Variants in PAX3 observed in about 807,000 individuals in gnomAD.
PAX3 encodes paired box protein Pax-3.
A neutral mutation model predicts 51.6 loss-of-function variants in PAX3; 14 were observed. The observed-to-expected ratio is 0.27, with a 90% confidence interval of 0.18 to 0.42. The LOEUF (loss-of-function observed/expected upper bound fraction) is 0.42, where lower values mean the gene tolerates loss of function less well. Among genes scored for constraint, PAX3 ranks in the 10% least tolerant of loss-of-function variants. The probability of loss-of-function intolerance (pLI) is 1.00; values close to 1 mark genes in which losing one functional copy is unlikely to be tolerated. For synonymous variants in PAX3, 280 were observed against 253.4 expected (o/e 1.11, Z -1.00); for missense variants, 540 against 642.8 (o/e 0.84, Z 1.73).
chr2:222,221,456 A>T (rs1692190106), intron 5 of PAX3, 69 bp from the exon 6 acceptor site: 3 of 1,404,846 alleles, frequency 2.1e-6, no homozygotes. Context: ...TGAATTTTTT[A>T]TGCTAAAACA....
intron 5 of PAX3, among the ~76,000 whole-genome samples, chr2:222,221,906 C>T (rs932419309): frequency 6.6e-6 from 1 of 150,978 alleles, no homozygotes; most frequent in Non-Finnish European, 1.5e-5. Flanking sequence ...AAGTGGAGCC[C>T]TTTTTTCATC....
intron 4 of PAX3, among the ~76,000 whole-genome samples, chr2:222,262,367 AT>A (rs1243752626): frequency 6.6e-6 from 1 of 151,842 alleles, no homozygotes; most frequent in Non-Finnish European, 1.5e-5. Context: ...TGACAATTCT[AT>A]TTTTTTTCTG....
intron 4 of PAX3, among the ~76,000 whole-genome samples, chr2:222,239,855 T>A (rs902759955): frequency 6.6e-6 from 1 of 151,848 alleles, no homozygotes; most frequent in Non-Finnish European, 1.5e-5. Flanking sequence ...TTGGGAAGGA[T>A]ATGCTGAGCT....
intron 4 of PAX3, among the ~76,000 whole-genome samples, chr2:222,243,440 A>G (rs1006623959): frequency 5.9e-5 from 9 of 152,242 alleles, no homozygotes; most frequent in Non-Finnish European, 1.2e-4. Context: ...GGATGCAAAT[A>G]TGAATAATAT....
chr2:222,213,609 C>G (rs1691836422), intron 7 of PAX3, among the ~76,000 whole-genome samples: 1 of 152,192 alleles, frequency 6.6e-6, no homozygotes, highest in Admixed American at 6.6e-5. Context: ...TAAAAAATCT[C>G]TCTCTGCCCC....
intron 4 of PAX3, among the ~76,000 whole-genome samples, chr2:222,270,454 T>TA (rs1694210698): frequency 6.6e-6 from 1 of 152,212 alleles, no homozygotes; most frequent in African/African-American, 2.4e-5. Context: ...CAATTTTGCA[T>TA]TCGTGCAATA....
intron 2 of PAX3, 23 bp from the exon 3 acceptor site, chr2:222,295,680 G>T (rs112545287): frequency 1.2e-6 from 2 of 1,613,780 alleles, no homozygotes; most frequent in Non-Finnish European, 1.7e-6. Flanking sequence ...AGGCGGGCAG[G>T]CGTTGGTACC....
intron 4 of PAX3, among the ~76,000 whole-genome samples, chr2:222,258,895 C>T (rs575437708): frequency 6.6e-6 from 1 of 152,038 alleles, no homozygotes; most frequent in East Asian, 1.9e-4. Context: ...TTCTTTTTTT[C>T]CTGAGTCTTG....
intron 4 of PAX3, among the ~76,000 whole-genome samples, chr2:222,240,620 C>A (rs1304708634): frequency 6.6e-6 from 1 of 152,176 alleles, no homozygotes; most frequent in African/African-American, 2.4e-5. Flanking sequence ...ACCACTCATA[C>A]AAGCAACATT....
intron 7 of PAX3, among the ~76,000 whole-genome samples, chr2:222,203,608 G>A (rs1388968749): frequency 6.6e-6 from 1 of 152,100 alleles, no homozygotes; most frequent in Non-Finnish European, 1.5e-5. Flanking sequence ...TCGGATCTAG[G>A]AGTTCCAGTA....
At chr2:222,243,452 T>A (rs766200410) in intron 4 of PAX3, among the ~76,000 whole-genome samples, 2 of 152,238 alleles carry the variant, frequency 1.3e-5, no homozygotes, top group Non-Finnish European at 2.9e-5. Flanking sequence ...GAATAATATA[T>A]GGAGCCTAAA....
intron 4 of PAX3, among the ~76,000 whole-genome samples, chr2:222,268,446 C>T (rs1264114659): frequency 2.0e-5 from 3 of 152,166 alleles, no homozygotes; most frequent in African/African-American, 7.2e-5. Context: ...AATCAACCCC[C>T]CCAGCCCTAC....
rs553114169 is a variant in PAX3 at position 222,272,050 on chromosome 2, C to T, written c.586+22117G>A. ...ACCAAGTCATGACCACAAAGCTGAT[C>T]GTGTTGCATGAAACCATCCTACCAG... On this transcript the variant is annotated intron_variant, in intron 4 of 8. Coordinates refer to ENST00000392070, the MANE Select transcript of PAX3 (RefSeq NM_181458.4). Among the ~76,000 whole-genome samples, 5 of 152,284 alleles carry T rather than the reference C, an allele frequency of 3.3e-5. No homozygotes were observed. The South Asian group carries it at 8.3e-4, about 25-fold the overall frequency.
At chr2:222,234,450 C>T (rs1035729867) in intron 4 of PAX3, among the ~76,000 whole-genome samples, 3 of 152,150 alleles carry the variant, frequency 2.0e-5, no homozygotes, top group African/African-American at 7.2e-5. Context: ...CCCAATGCAA[C>T]TTATATACAT....
At chr2:222,201,551 G>T in intron 8 of PAX3, 109 bp from the exon 9 acceptor site, 1 of 1,446,514 alleles carries the variant, frequency 6.9e-7, no homozygotes, top group Non-Finnish European at 9.7e-7. Flanking sequence ...GCTATCAAAG[G>T]CTTGAGACTA....
intron 7 of PAX3, among the ~76,000 whole-genome samples, chr2:222,208,191 G>A (rs1216499983): frequency 2.6e-5 from 4 of 152,122 alleles, no homozygotes; most frequent in Middle Eastern, 3.4e-3. Flanking sequence ...ATTCTCATAT[G>A]TTTTAATTCA....
At chr2:222,297,917 G>C (rs1379590739) in intron 1 of PAX3, among the ~76,000 whole-genome samples, 1 of 152,154 alleles carries the variant, frequency 6.6e-6, no homozygotes, top group Admixed American at 6.5e-5. Context: ...CATTGAAAAC[G>C]GCTCAGGCTT....
chr2:222,218,290 C>G (rs1371882920), intron 7 of PAX3, among the ~76,000 whole-genome samples: 1 of 152,146 alleles, frequency 6.6e-6, no homozygotes, highest in Non-Finnish European at 1.5e-5. Context: ...AGATCACATT[C>G]TAGCAATTCT....
chr2:222,249,948 T>C (rs969432151), intron 4 of PAX3, among the ~76,000 whole-genome samples: 1 of 152,166 alleles, frequency 6.6e-6, no homozygotes, highest in Non-Finnish European at 1.5e-5. Flanking sequence ...TAGGGTTTCT[T>C]TCCCAATTCC....
Sources: allele counts gnomAD v4.1 joint callset (sites outside exome capture counted in the v4.1 genomes callset), GRCh38; gene constraint gnomAD v4.1.1; transcripts MANE v1.5; gene names NCBI Gene and HGNC (gene_info 2026-07-23, HGNC 2026-07-21).